Variants in DNAJC5B observed in about 807,000 individuals in gnomAD.
The protein encoded by DNAJC5B is dnaJ homolog subfamily C member 5B.
A neutral mutation model predicts 24.7 loss-of-function variants in DNAJC5B; 23 were observed. That is an observed-to-expected ratio of 0.93 (90% confidence interval 0.67 to 1.32). The LOEUF (loss-of-function observed/expected upper bound fraction) is 1.32, where lower values mean the gene tolerates loss of function less well. DNAJC5B is among the 40% of genes most tolerant of loss of function. The pLI is 0.00. For synonymous variants in DNAJC5B, 101 were observed against 90.1 expected (o/e 1.12, Z -0.68); for missense variants, 238 against 240.8 (o/e 0.99, Z 0.08).
At chr8:66,022,442 C>T (rs1806153616) in intron 1 of DNAJC5B, among the ~76,000 whole-genome samples, 2 of 152,290 alleles carry the variant, frequency 1.3e-5, no homozygotes, top group South Asian at 4.1e-4. Context: ...CACACTGCGA[C>T]CCCGGAGTTG....
chr8:66,080,597 A>C (rs1489570546), intron 5 of DNAJC5B, 49 bp downstream of exon 5: 1 of 1,487,264 alleles, frequency 6.7e-7, no homozygotes, highest in African/African-American at 1.4e-5. Flanking sequence ...CATAGGCCTG[A>C]GCAAGCACCA....
intron 1 of DNAJC5B, among the ~76,000 whole-genome samples, chr8:66,038,827 A>T (rs1806544417): frequency 6.6e-6 from 1 of 152,202 alleles, no homozygotes; most frequent in Non-Finnish European, 1.5e-5. Flanking sequence ...TATTACAGCA[A>T]TTGCTTACTG....
chr8:66,101,124 C>A lies in DNAJC5B; in HGVS notation c.*1093C>A, dbSNP rs1808064689. Among the ~76,000 whole-genome samples the A allele has an allele frequency of 6.6e-6, 1 of 151,962 alleles. No individual in the cohort carries two copies. The highest frequency in any genetic ancestry group is 6.6e-5 in the Admixed American group (1 of 15,246). Reference sequence around the variant, plus strand: ...ATAATATTGTATAAAATGCCTTTATCTTTTTTCTTGTTTCTTATTCCCACC... The same window carrying A: ...ATAATATTGTATAAAATGCCTTTATATTTTTTCTTGTTTCTTATTCCCACC... On this transcript the variant is annotated 3_prime_UTR_variant, in exon 6 of 6. Coordinates refer to ENST00000276570, the MANE Select transcript of DNAJC5B (RefSeq NM_033105.6).
At chr8:66,099,041 C>A (rs1254431458) in intron 5 of DNAJC5B, among the ~76,000 whole-genome samples, 1 of 150,938 alleles carries the variant, frequency 6.6e-6, no homozygotes, top group Non-Finnish European at 1.5e-5. Flanking sequence ...CTCTGTCACA[C>A]ACACACACAC....
At chr8:66,067,887 T>C (rs1807255994) in intron 3 of DNAJC5B, among the ~76,000 whole-genome samples, 1 of 152,208 alleles carries the variant, frequency 6.6e-6, no homozygotes, top group South Asian at 2.1e-4. Context: ...TTTGAGCAAT[T>C]AAATAAAATG....
intron 3 of DNAJC5B, among the ~76,000 whole-genome samples, chr8:66,056,053 A>G (rs562637666): frequency 1.3e-5 from 2 of 152,166 alleles, no homozygotes; most frequent in Non-Finnish European, 2.9e-5. Context: ...TGGAAATAAC[A>G]CAAGAGACAA....
intron 1 of DNAJC5B, among the ~76,000 whole-genome samples, chr8:66,042,379 T>C (rs1206054034): frequency 6.6e-6 from 1 of 152,222 alleles, no homozygotes; most frequent in African/African-American, 2.4e-5. Flanking sequence ...GGAGAGTGAT[T>C]CATTGTGCAA....
intron 4 of DNAJC5B, among the ~76,000 whole-genome samples, 183 bp downstream of exon 4, chr8:66,077,056 G>A (rs933111092): frequency 6.6e-6 from 1 of 152,134 alleles, no homozygotes; most frequent in African/African-American, 2.4e-5. Flanking sequence ...TCAAATAATT[G>A]TAAGATACAA....
chr8:66,036,681 G>C (rs1301793032), intron 1 of DNAJC5B, among the ~76,000 whole-genome samples: 1 of 152,176 alleles, frequency 6.6e-6, no homozygotes, highest in African/African-American at 2.4e-5. Flanking sequence ...GAACACCAGA[G>C]GGCACCACAG....
intron 5 of DNAJC5B, among the ~76,000 whole-genome samples, chr8:66,087,422 C>T (rs1807751239): frequency 6.6e-6 from 1 of 152,094 alleles, no homozygotes; most frequent in African/African-American, 2.4e-5. Context: ...TGCCCCTGGC[C>T]CATCCCAAAC....
At position 66,080,363 on chromosome 8, in the gene DNAJC5B, C is replaced by T. The variant is rs1238410266; in HGVS notation, c.334-14C>T. The T allele has an allele frequency of 3.7e-6, 6 of 1,606,450 alleles. No homozygotes were observed. Among genetic ancestry groups the T allele is most frequent in the Middle Eastern group, 1.9e-4 (1 of 5,178 alleles). On this transcript the variant is annotated splice_polypyrimidine_tract_variant and intron_variant, in intron 4 of 5. Coordinates refer to ENST00000276570, the MANE Select transcript of DNAJC5B (RefSeq NM_033105.6). ...ACCCCTCATCCTCATTTTGCTTTAC[C>T]TCTGTTTCCCTAGGCCCTGTTTGTC...
At chr8:66,043,159 A>C (rs975567245) in intron 1 of DNAJC5B, among the ~76,000 whole-genome samples, 4 of 152,220 alleles carry the variant, frequency 2.6e-5, no homozygotes, top group Admixed American at 1.3e-4. Flanking sequence ...GGGTTAATAA[A>C]TAGTGAGCAG....
intron 1 of DNAJC5B, among the ~76,000 whole-genome samples, chr8:66,029,155 C>T (rs747850642): frequency 1.4e-4 from 22 of 152,212 alleles, no homozygotes; most frequent in Non-Finnish European, 2.6e-4. Flanking sequence ...TCTCTGCTTC[C>T]TACCTTCATC....
chr8:66,051,968 T>C (rs1434792196), intron 3 of DNAJC5B, among the ~76,000 whole-genome samples: 1 of 152,004 alleles, frequency 6.6e-6, no homozygotes, highest in Non-Finnish European at 1.5e-5. Context: ...TGCTGTCATT[T>C]TTTTTTTTCT....
upstream of DNAJC5B, among the ~76,000 whole-genome samples, chr8:66,018,892 C>T (rs1178499418): frequency 1.3e-5 from 2 of 152,220 alleles, no homozygotes; most frequent in African/African-American, 4.8e-5. Flanking sequence ...CCTTTGAACT[C>T]TGACTTACAA....
intron 3 of DNAJC5B, among the ~76,000 whole-genome samples, chr8:66,067,826 T>C (rs570049646): frequency 6.6e-6 from 1 of 152,164 alleles, no homozygotes; most frequent in Non-Finnish European, 1.5e-5. Context: ...CCTCAACCAA[T>C]GCCAAGCAGA....
At chr8:66,045,855 G>A (rs149220224) in intron 2 of DNAJC5B, among the ~76,000 whole-genome samples, 3 of 152,274 alleles carry the variant, frequency 2.0e-5, no homozygotes, top group Non-Finnish European at 4.4e-5. Flanking sequence ...CAGAAACCTC[G>A]GAGTCTTCCT....
At chr8:66,026,582 A>T (rs907498382) in intron 1 of DNAJC5B, among the ~76,000 whole-genome samples, 1 of 152,258 alleles carries the variant, frequency 6.6e-6, no homozygotes, top group Admixed American at 6.5e-5. Flanking sequence ...GATCTCCGAC[A>T]CGCGCAGGAC....
intron 1 of DNAJC5B, among the ~76,000 whole-genome samples, chr8:66,040,054 G>T (rs1220584282): frequency 6.6e-6 from 1 of 152,138 alleles, no homozygotes; most frequent in Non-Finnish European, 1.5e-5. Context: ...AGTAAAATGG[G>T]TTTATATTTT....
Sources: allele counts gnomAD v4.1 joint callset (sites outside exome capture counted in the v4.1 genomes callset), GRCh38; gene constraint gnomAD v4.1.1; transcripts MANE v1.5; gene names NCBI Gene and HGNC (gene_info 2026-07-23, HGNC 2026-07-21).